Variants in CACNA2D3 observed in about 807,000 individuals in gnomAD.
The protein encoded by CACNA2D3 is calcium voltage-gated channel auxiliary subunit alpha2delta 3, also known as voltage-dependent calcium channel subunit alpha-2/delta-3.
A neutral mutation model predicts 160.6 loss-of-function variants in CACNA2D3; 60 were observed. The observed-to-expected ratio is 0.37, with a 90% CI of 0.30 to 0.46. The LOEUF is 0.46. Among genes scored for constraint, CACNA2D3 ranks in the 20% least tolerant of loss-of-function variants. CACNA2D3 has a pLI of 1.00. For synonymous variants in CACNA2D3, 558 were observed against 492.9 expected, an observed-to-expected ratio of 1.13 and a Z score of -1.75; for missense variants, 1,205 against 1,365.0, an observed-to-expected ratio of 0.88 and a Z score of 1.85.
Position 54,562,239 on chromosome 3 carries a change from T to C in CACNA2D3, c.545-561T>C, listed in dbSNP as rs151041151. 5.1e-3 allele frequency among the ~76,000 whole-genome samples: 776 copies of C among 152,334 alleles called. 1 individual carries two copies. Among genetic ancestry groups the C allele is most frequent in the Admixed American group, 8.5e-3 (130 of 15,306 alleles). The stretch of plus-strand genomic sequence containing the variant: ...GGTACAGCAGAAGACCAAGAGGCAG[T>C]CTGTGCTTTCACAGAGATCACATTC... On this transcript the variant is annotated intron_variant, in intron 5 of 37. Transcript: ENST00000474759.
chr3:54,462,872 G>A lies in CACNA2D3; in HGVS notation c.382-40620G>A, dbSNP rs371472143. On this transcript the variant is annotated intron_variant, in intron 4 of 37. Transcript: ENST00000474759. ...GTTGATGCAGTTTCTTCCTAGTCTCGATGTTCTTTACATTTTGGCATGATT... is the reference window on the plus strand; with the variant it reads ...GTTGATGCAGTTTCTTCCTAGTCTCAATGTTCTTTACATTTTGGCATGATT... Among the ~76,000 whole-genome samples the A allele has an allele frequency of 1.2e-3, 177 of 149,448 alleles. 5 individuals are homozygous for A. The East Asian group carries it at 0.031, about 26-fold the overall frequency.
At chr3:54,343,176 A>G (rs1165676554) in intron 3 of CACNA2D3, among the ~76,000 whole-genome samples, 1 of 152,022 alleles carries the variant, frequency 6.6e-6, no homozygotes, top group Non-Finnish European at 1.5e-5. Flanking sequence ...CTAGGCCTTC[A>G]GTGTGTTTAA....
intron 25 of CACNA2D3, among the ~76,000 whole-genome samples, chr3:54,893,006 T>A (rs946543580): frequency 1.3e-5 from 2 of 152,230 alleles, no homozygotes; most frequent in African/African-American, 2.4e-5. Flanking sequence ...CTGGGCACAG[T>A]GACTCATGCC....
At chr3:54,129,251 G>A (rs1699658940) in intron 2 of CACNA2D3, among the ~76,000 whole-genome samples, 1 of 152,218 alleles carries the variant, frequency 6.6e-6, no homozygotes, top group South Asian at 2.1e-4. Flanking sequence ...TATAGCTGAT[G>A]TGTTTTAGGG....
intron 35 of CACNA2D3, among the ~76,000 whole-genome samples, chr3:55,069,781 T>G (rs1243657636): frequency 6.6e-6 from 1 of 152,214 alleles, no homozygotes; most frequent in Non-Finnish European, 1.5e-5. Context: ...TGGCCAAATG[T>G]AGATAATTTA....
At chr3:54,873,081 A>G (rs1299897680) in intron 18 of CACNA2D3, among the ~76,000 whole-genome samples, 3 of 151,886 alleles carry the variant, frequency 2.0e-5, no homozygotes, top group Non-Finnish European at 4.4e-5. Context: ...CTTCAGTTTT[A>G]TTTTGTGTTC....
At chr3:54,300,352 G>C (rs77428429) in intron 2 of CACNA2D3, among the ~76,000 whole-genome samples, 2 of 152,200 alleles carry the variant, frequency 1.3e-5, no homozygotes, top group Non-Finnish European at 2.9e-5. Flanking sequence ...TCTCTGCCAC[G>C]TGGCATATTC....
chr3:54,808,688 G>A (rs1258815955), intron 13 of CACNA2D3, among the ~76,000 whole-genome samples: 1 of 152,138 alleles, frequency 6.6e-6, no homozygotes, highest in Non-Finnish European at 1.5e-5. Flanking sequence ...AAGTGTTCTG[G>A]ATTTCTCACC....
chr3:54,973,416 G>A (rs1702317606), intron 29 of CACNA2D3, among the ~76,000 whole-genome samples: 1 of 152,184 alleles, frequency 6.6e-6, no homozygotes, highest in Admixed American at 6.5e-5. Flanking sequence ...GTCTCCTACT[G>A]AGGCATTGGA....
At chr3:54,304,909 T>TAA (rs1342266949) in intron 2 of CACNA2D3, among the ~76,000 whole-genome samples, 6 of 151,928 alleles carry the variant, frequency 3.9e-5, no homozygotes, top group Non-Finnish European at 8.8e-5. Context: ...GAGCATCTTT[T>TAA]GCTCTTTTTT....
chr3:54,456,776 G>C (rs150349959), intron 4 of CACNA2D3, among the ~76,000 whole-genome samples: 2 of 151,730 alleles, frequency 1.3e-5, no homozygotes, highest in African/African-American at 4.8e-5. Context: ...TTAACCTCTT[G>C]GTTCATTATT....
chr3:54,149,877 G>GTGTCTCTC lies in CACNA2D3; in HGVS notation c.204+26284_204+26285insGTCTCTCT, dbSNP rs757018890. On this transcript the variant is annotated intron_variant, in intron 2 of 37. Coordinates refer to ENST00000474759, the MANE Select transcript of CACNA2D3 (RefSeq NM_018398.3). The stretch of plus-strand genomic sequence containing the variant: ...TAGTAACAGAGAGGGCTGTCCTGAA[G>GTGTCTCTC]TATCTGTCTCTCTCTCTCTCTCTCT... 3.4e-3 allele frequency among the ~76,000 whole-genome samples: 364 copies of GTGTCTCTC among 105,774 alleles called. 55 individuals are homozygous for GTGTCTCTC. Among genetic ancestry groups the GTGTCTCTC allele is most frequent in the Middle Eastern group, 0.024 (4 of 166 alleles). The allele number at this position is 105,774 out of a possible 152,430, so 69.4% of individuals were successfully genotyped here. A position where few individuals can be genotyped will look rare whatever the true frequency, so the allele number is the denominator to read the frequency against.
At chr3:54,998,788 C>T (rs1702917916) in intron 31 of CACNA2D3, among the ~76,000 whole-genome samples, 1 of 151,952 alleles carries the variant, frequency 6.6e-6, no homozygotes, top group Non-Finnish European at 1.5e-5. Flanking sequence ...GCTCTGTCGC[C>T]CAGGCTGGAG....
intron 3 of CACNA2D3, among the ~76,000 whole-genome samples, chr3:54,344,832 G>A (rs1464519015): frequency 2.6e-5 from 4 of 152,176 alleles, no homozygotes; most frequent in Admixed American, 2.6e-4. Flanking sequence ...GGCATTCTCA[G>A]TCACAGGATG....
intron 11 of CACNA2D3, among the ~76,000 whole-genome samples, chr3:54,644,947 G>A (rs1699605625): frequency 6.6e-6 from 1 of 152,174 alleles, no homozygotes; most frequent in South Asian, 2.1e-4. Context: ...TGAATTCACT[G>A]CACAGGTTTG....
intron 4 of CACNA2D3, among the ~76,000 whole-genome samples, chr3:54,465,259 A>G (rs1028541640): frequency 4.0e-5 from 6 of 151,788 alleles, no homozygotes; most frequent in African/African-American, 9.7e-5. Flanking sequence ...TCCTGATTTT[A>G]TTGAATTTCC....
chr3:54,478,763 C>T (rs1050284689), intron 4 of CACNA2D3, among the ~76,000 whole-genome samples: 2 of 134,306 alleles, frequency 1.5e-5, no homozygotes, highest in Non-Finnish European at 3.2e-5. Flanking sequence ...GCTGTCTACA[C>T]TACTCACCCA....
chr3:54,228,800 G>A (rs1302457293), intron 2 of CACNA2D3, among the ~76,000 whole-genome samples: 1 of 152,196 alleles, frequency 6.6e-6, no homozygotes, highest in Non-Finnish European at 1.5e-5. Flanking sequence ...TGCCTATATT[G>A]TCAAGCATGG....
At position 55,063,846 on chromosome 3, in the gene CACNA2D3, A is replaced by G. The variant is rs1354975031; in HGVS notation, c.2988-9599A>G. Among the ~76,000 whole-genome samples, 4 of 152,212 alleles carry G rather than the reference A, an allele frequency of 2.6e-5. No individual in the cohort carries two copies. The East Asian group carries it at 7.7e-4, about 29-fold the overall frequency. The stretch of plus-strand genomic sequence containing the variant: ...GGGAGACCAGTTGGAAGATAAGCCT[A>G]ACATTTTGCAGATTAGCAGGGTTGG... On this transcript the variant is annotated intron_variant, in intron 35 of 37. Transcript: ENST00000474759.
Sources: allele counts gnomAD v4.1 joint callset (sites outside exome capture counted in the v4.1 genomes callset), GRCh38; gene constraint gnomAD v4.1.1; transcripts MANE v1.5; gene names NCBI Gene and HGNC (gene_info 2026-07-23, HGNC 2026-07-21).